The following MAP4 variants were observed in gnomAD, a reference collection of about 807,000 sequenced individuals.
MAP4 encodes microtubule associated protein 4, also known as microtubule-associated protein 4.
MAP4 carries 76 observed loss-of-function variants against 170.2 expected under a neutral mutation model. The ratio of observed to expected loss-of-function variants is 0.45; its 90% CI spans 0.37 to 0.54. The LOEUF (loss-of-function observed/expected upper bound fraction) is 0.54. Among genes scored for constraint, MAP4 ranks in the 20% least tolerant of loss-of-function variants. The pLI is 0.00. For missense variants in MAP4, 2,506 were observed against 2,748.0 expected (o/e 0.91, Z 1.97); for synonymous variants, 909 against 994.5 (o/e 0.91, Z 1.62).
intron 10 of MAP4, among the ~76,000 whole-genome samples, chr3:47,877,962 C>G (rs1260238544): frequency 1.3e-5 from 2 of 152,204 alleles, no homozygotes; most frequent in Non-Finnish European, 2.9e-5. Context: ...TCCTTCCTTT[C>G]CCTATAAAGA....
At chr3:48,052,569 C>G (rs1229869541) in intron 1 of MAP4, among the ~76,000 whole-genome samples, 1 of 152,138 alleles carries the variant, frequency 6.6e-6, no homozygotes, top group Non-Finnish European at 1.5e-5. Context: ...GGATGCACAA[C>G]TGTGAAAATA....
At chr3:48,074,676 T>TGTGTGTG (rs2100142818) in intron 1 of MAP4, among the ~76,000 whole-genome samples, 2 of 90,640 alleles carry the variant, frequency 2.2e-5, no homozygotes, top group African/African-American at 9.8e-5. Context: ...ATCCAGCTAA[T>TGTGTGTG]TGTGTGTGTG....
Position 47,909,514 on chromosome 3 carries a change from C to A in MAP4, c.4907G>T (p.Cys1636Phe). The A allele has an allele frequency of 6.2e-7, 1 of 1,613,344 alleles. No homozygotes were observed. The highest frequency in any genetic ancestry group is 8.5e-7 in the Non-Finnish European group (1 of 1,179,882). The change falls in exon 9 of 21, where the codon TGT becomes TTT. Residue 1636 changes from cysteine (C) to phenylalanine (F), a missense_variant. Physicochemically the swap from Cys to Phe is radical, Grantham distance 205. This residue lies in a region of MAP4 where 2,008 missense variants were observed against 2,206.0 expected (regional missense o/e 0.91). Coordinates refer to ENST00000683076, the MANE Select transcript of MAP4 (RefSeq NM_001385682.1). Reference protein sequence around the residue: ...LEDKAQKLSFCEDQNAQDRNS... With the variant: ...LEDKAQKLSFFEDQNAQDRNS... The stretch of plus-strand genomic sequence containing the variant: ...TCTATCTTGAGCATTTTGGTCCTCA[C>A]AAAAACTGAGCTTTTGTGCTTTGTC...
intron 3 of MAP4, among the ~76,000 whole-genome samples, chr3:47,971,623 ACTATAAATAAGAGTAATTTACCT>A (rs2100078809): frequency 1.3e-5 from 2 of 152,230 alleles, no homozygotes; most frequent in African/African-American, 4.8e-5. Context: ...AGCCCCAAAC[ACTATAAATAAGAGTAATTTACCT>A]CCATGGTCGC....
intron 16 of MAP4, 63 bp from the exon 17 acceptor site, chr3:47,867,401 G>A: frequency 9.3e-7 from 1 of 1,074,734 alleles, no homozygotes; most frequent in South Asian, 1.3e-5. Flanking sequence ...ACCGACACAG[G>A]GAAGGCAGTG....
intron 3 of MAP4, among the ~76,000 whole-genome samples, chr3:47,952,363 G>A (rs1298774052): frequency 5.9e-5 from 9 of 152,068 alleles, no homozygotes; most frequent in East Asian, 1.9e-4. Context: ...CCCTCTGCCC[G>A]GCCACCACCC....
chr3:47,873,019 G>A (rs558599458), intron 12 of MAP4, among the ~76,000 whole-genome samples: 74 of 152,320 alleles, frequency 4.9e-4, no homozygotes, highest in Non-Finnish European at 9.6e-4. Context: ...AAATCACTGA[G>A]CCTCTGAGCT....
chr3:48,000,244 A>T (rs1272498224), intron 1 of MAP4, among the ~76,000 whole-genome samples: 3 of 149,874 alleles, frequency 2.0e-5, no homozygotes, highest in South Asian at 4.2e-4. Context: ...AAAAAAAAAA[A>T]AAAGAGCCAA....
intron 5 of MAP4, among the ~76,000 whole-genome samples, chr3:47,919,902 T>C (rs1021696727): frequency 7.1e-6 from 1 of 141,700 alleles, no homozygotes; most frequent in Non-Finnish European, 1.5e-5. Context: ...TTTATTAAAA[T>C]ACTTTGTAGC....
intron 3 of MAP4, among the ~76,000 whole-genome samples, chr3:47,959,263 T>C (rs1285962235): frequency 6.6e-6 from 1 of 151,834 alleles, no homozygotes; most frequent in African/African-American, 2.4e-5. Context: ...GGTCAGGAGT[T>C]CGAGACTAGC....
rs954874443 is a variant in MAP4, at chr3:47,967,174, T to C, written c.292+10691A>G. On this transcript the variant is annotated intron_variant, in intron 3 of 20. Transcript: ENST00000683076. ...CAACATGGAGAAACCCCATCTCTAC[T>C]AAAAATACAAAATTAGCTGGGCGTG... Among the ~76,000 whole-genome samples, 8 of 151,804 alleles carry C rather than the reference T, an allele frequency of 5.3e-5. 1 individual carries two copies. Among genetic ancestry groups the C allele is most frequent in the Admixed American group, 5.2e-4 (8 of 15,246 alleles).
intron 2 of MAP4, among the ~76,000 whole-genome samples, chr3:47,997,772 G>A (rs937907346): frequency 6.6e-6 from 1 of 151,756 alleles, no homozygotes; most frequent in African/African-American, 2.4e-5. Flanking sequence ...AATGAAAAAG[G>A]GGACATAATA....
chr3:47,877,575 C>A, intron 10 of MAP4, 52 bp from the exon 11 acceptor site: 1 of 1,263,030 alleles, frequency 7.9e-7, no homozygotes, highest in South Asian at 1.3e-5. Flanking sequence ...TTTACATGCC[C>A]ATTTTGAAAA....
At chr3:47,886,856 G>A (rs893061694) in intron 10 of MAP4, among the ~76,000 whole-genome samples, 7 of 152,188 alleles carry the variant, frequency 4.6e-5, no homozygotes, top group South Asian at 2.1e-4. Context: ...TATCCTCAGC[G>A]TTTCATCTGC....
At chr3:47,990,281 C>T (rs1187761172) in intron 2 of MAP4, among the ~76,000 whole-genome samples, 2 of 152,104 alleles carry the variant, frequency 1.3e-5, no homozygotes, top group African/African-American at 2.4e-5. Context: ...CATGTGTATC[C>T]GAGTCACCTA....
chr3:47,992,615 G>GT (rs2100093006), intron 2 of MAP4, among the ~76,000 whole-genome samples: 1 of 151,800 alleles, frequency 6.6e-6, no homozygotes, highest in Non-Finnish European at 1.5e-5. Context: ...TTTAAACATG[G>GT]TATCTTCAAC....
chr3:47,954,797 G>A (rs2100066682), intron 3 of MAP4, among the ~76,000 whole-genome samples: 1 of 152,140 alleles, frequency 6.6e-6, no homozygotes, highest in Admixed American at 6.6e-5. Context: ...ACCTCACAGT[G>A]GACCCCATAG....
At chr3:48,001,297 A>G (rs2100098995) in intron 1 of MAP4, among the ~76,000 whole-genome samples, 1 of 152,228 alleles carries the variant, frequency 6.6e-6, no homozygotes, top group Admixed American at 6.5e-5. Context: ...TATATTATCT[A>G]AGAAAAAAAT....
At position 47,869,713 on chromosome 3, in the gene MAP4, G is replaced by A. The variant is rs764875761; in HGVS notation, c.6295-386C>T. On this transcript the variant is annotated intron_variant, in intron 15 of 20. Transcript: ENST00000683076. ...CTGATATGCCCCAAGCAGCTGCCAC[G>A]GTCACAGGAAGTCAATACTGATAGA... 2.6e-5 allele frequency among the ~76,000 whole-genome samples: 4 copies of A among 151,944 alleles called. No homozygotes were observed. In the South Asian group the frequency reaches 6.2e-4, roughly 24 times the overall value.
Sources: gnomAD v4.1 joint callset for allele counts (sites outside exome capture counted in the v4.1 genomes callset) on GRCh38, gnomAD v4.1.1 for gene constraint, gnomAD v4.1.1 regional missense constraint, MANE v1.5 for transcripts, NCBI Gene and HGNC (gene_info 2026-07-23, HGNC 2026-07-21) for gene names.